Variants in CADM1 observed in about 807,000 individuals in gnomAD.
The protein encoded by CADM1 is TSLC-1.
Under a neutral mutation model 53.1 loss-of-function variants are expected in CADM1, and 15 were observed. The ratio of observed to expected loss-of-function variants is 0.28; its 90% CI spans 0.19 to 0.44. The LOEUF (loss-of-function observed/expected upper bound fraction) is 0.44, where lower values mean the gene tolerates loss of function less well. Among genes scored for constraint, CADM1 ranks in the 20% least tolerant of loss-of-function variants. The pLI is 1.00. For missense variants in CADM1, 434 were observed against 611.3 expected (o/e 0.71, Z 3.06); for synonymous variants, 281 against 243.0 (o/e 1.16, Z -1.45).
intron 2 of CADM1, among the ~76,000 whole-genome samples, chr11:115,239,820 A>G (rs755102474): frequency 2.0e-5 from 3 of 151,472 alleles, no homozygotes; most frequent in Non-Finnish European, 4.4e-5. Flanking sequence ...TTTTTGTGAT[A>G]TTACATTTGG....
intron 10 of CADM1, among the ~76,000 whole-genome samples, chr11:115,189,226 C>T (rs182909034): frequency 6.6e-6 from 1 of 152,264 alleles, no homozygotes; most frequent in East Asian, 1.9e-4. Flanking sequence ...GATAGAACTG[C>T]AGCAGGGACC....
Position 115,238,668 on chromosome 11 carries a change from G to C in CADM1, c.272-16C>G. The stretch of plus-strand genomic sequence containing the variant: ...TCCTTCAAAGCTGTGAAACAAAACA[G>C]AGAGTTAGTGATTGTGAGAAGGTGG... On this transcript the variant is annotated splice_polypyrimidine_tract_variant and intron_variant, in intron 2 of 11. Coordinates refer to ENST00000331581, the MANE Select transcript of CADM1 (RefSeq NM_001301043.2). 1 of 1,613,306 alleles carries C rather than the reference G, an allele frequency of 6.2e-7. No homozygotes were observed. Among genetic ancestry groups the C allele is most frequent in the Non-Finnish European group, 8.5e-7 (1 of 1,179,462 alleles).
chr11:115,301,520 C>G lies in CADM1; in HGVS notation c.125-61100G>C, dbSNP rs1159149428. ...TTGAGAGTGCATCACATAAAAATAT[C>G]TTGTGATCATCTACAAGGTGCAACA... On this transcript the variant is annotated intron_variant, in intron 1 of 11. Transcript: ENST00000331581. Among the ~76,000 whole-genome samples, 3 of 152,198 alleles carry G rather than the reference C, an allele frequency of 2.0e-5. No individual in the cohort carries two copies. In the East Asian group the frequency reaches 5.8e-4, roughly 29 times the overall value.
At chr11:115,260,353 G>A (rs568107845) in intron 1 of CADM1, among the ~76,000 whole-genome samples, 21 of 152,226 alleles carry the variant, frequency 1.4e-4, no homozygotes, top group South Asian at 4.1e-4. Flanking sequence ...GTTCCCTTCC[G>A]TGGTTTGTAT....
intron 9 of CADM1, among the ~76,000 whole-genome samples, chr11:115,192,292 G>A (rs956286176): frequency 7.9e-5 from 12 of 152,178 alleles, no homozygotes; most frequent in African/African-American, 2.4e-5. Context: ...TGACCCTTGG[G>A]TGCTAATAGT....
At chr11:115,245,532 T>G (rs565124459) in intron 1 of CADM1, among the ~76,000 whole-genome samples, 1 of 152,360 alleles carries the variant, frequency 6.6e-6, no homozygotes, top group African/African-American at 2.4e-5. Flanking sequence ...TGTTGGATAC[T>G]ATTTTTACAA....
At chr11:115,413,167 T>C (rs1947499995) in intron 1 of CADM1, among the ~76,000 whole-genome samples, 1 of 152,222 alleles carries the variant, frequency 6.6e-6, no homozygotes, top group Non-Finnish European at 1.5e-5. Flanking sequence ...ATAAGAAGCA[T>C]TTAATACACT....
intron 1 of CADM1, among the ~76,000 whole-genome samples, chr11:115,376,693 A>G (rs1275380984): frequency 6.6e-6 from 1 of 152,206 alleles, no homozygotes; most frequent in Non-Finnish European, 1.5e-5. Context: ...ACGTGGTATA[A>G]AAACCCGTGG....
intron 4 of CADM1, among the ~76,000 whole-genome samples, chr11:115,230,811 A>G (rs1287030548): frequency 6.6e-6 from 1 of 152,248 alleles, no homozygotes; most frequent in East Asian, 1.9e-4. Flanking sequence ...CACAATTTAG[A>G]TGAAACTGTT....
At chr11:115,232,076 G>C (rs1294874597) in intron 3 of CADM1, among the ~76,000 whole-genome samples, 1 of 152,004 alleles carries the variant, frequency 6.6e-6, no homozygotes, top group Admixed American at 6.6e-5. Flanking sequence ...TATCAATATA[G>C]ATATTAGTCA....
intron 3 of CADM1, among the ~76,000 whole-genome samples, chr11:115,234,051 T>A (rs1941923765): frequency 2.6e-5 from 4 of 152,222 alleles, no homozygotes; most frequent in African/African-American, 7.2e-5. Context: ...TCTATGTATC[T>A]CTGTTGAGTC....
intron 1 of CADM1, among the ~76,000 whole-genome samples, chr11:115,450,562 G>T (rs985786178): frequency 8.5e-5 from 13 of 152,182 alleles, no homozygotes; most frequent in African/African-American, 3.1e-4. Context: ...GTTCAGTATA[G>T]ATAGCCAGCT....
intron 1 of CADM1, among the ~76,000 whole-genome samples, chr11:115,492,510 AAC>A: frequency 6.6e-6 from 1 of 152,306 alleles, no homozygotes; most frequent in South Asian, 2.1e-4. Flanking sequence ...ATTGATACAT[AAC>A]ACACACACAA....
At chr11:115,319,941 T>C (rs2135184983) in intron 1 of CADM1, among the ~76,000 whole-genome samples, 1 of 152,302 alleles carries the variant, frequency 6.6e-6, no homozygotes, top group Non-Finnish European at 1.5e-5. Flanking sequence ...GGGGCCTTAT[T>C]TGGAGATTCT....
chr11:115,258,590 G>A (rs779479336), intron 1 of CADM1, among the ~76,000 whole-genome samples: 19 of 152,112 alleles, frequency 1.2e-4, no homozygotes, highest in South Asian at 2.1e-4. Context: ...TTAGAGCCAG[G>A]CCCAGAGTCC....
In CADM1 at chr11:115,475,834, T is replaced by C. The variant is rs1949118780; in HGVS notation, c.124+28437A>G. On this transcript the variant is annotated intron_variant, in intron 1 of 11. Coordinates refer to ENST00000331581, the MANE Select transcript of CADM1 (RefSeq NM_001301043.2). ...AGGGGATCCGGGTGAGTGAGGAAAC[T>C]GTATATTGACTGTGGTAATCATACC... is the stretch of plus-strand genomic sequence containing the variant. Among the ~76,000 whole-genome samples the C allele has an allele frequency of 2.6e-5, 4 of 152,352 alleles. No homozygotes were observed. In the South Asian group the frequency reaches 8.3e-4, roughly 32 times the overall value.
chr11:115,268,416 C>T (rs2135038933), intron 1 of CADM1, among the ~76,000 whole-genome samples: 1 of 152,262 alleles, frequency 6.6e-6, no homozygotes, highest in African/African-American at 2.4e-5. Flanking sequence ...AAAACCAATC[C>T]TCACCACCAC....
chr11:115,255,808 TCTTC>T (rs1942766615), intron 1 of CADM1, among the ~76,000 whole-genome samples: 1 of 152,224 alleles, frequency 6.6e-6, no homozygotes, highest in Non-Finnish European at 1.5e-5. Flanking sequence ...AATGTATCAT[TCTTC>T]CTTAAGTTGC....
At chr11:115,232,893 A>C (rs527779666) in intron 3 of CADM1, among the ~76,000 whole-genome samples, 1 of 152,208 alleles carries the variant, frequency 6.6e-6, no homozygotes, top group Non-Finnish European at 1.5e-5. Flanking sequence ...CAAGAAATTA[A>C]ATATGTATAA....
Sources: gnomAD v4.1 joint callset for allele counts (sites outside exome capture counted in the v4.1 genomes callset) on GRCh38, gnomAD v4.1.1 for gene constraint, MANE v1.5 for transcripts, NCBI Gene and HGNC (gene_info 2026-07-23, HGNC 2026-07-21) for gene names.